NCALD: variants seen among roughly 807,000 people sequenced by gnomAD.
NCALD encodes the protein neurocalcin delta.
NCALD carries 10 observed loss-of-function variants against 18.6 expected under a neutral mutation model. That is an observed-to-expected ratio of 0.54 (90% CI 0.33 to 0.91). The LOEUF (loss-of-function observed/expected upper bound fraction) is 0.91. Ranked by LOEUF, NCALD falls within the 40% of genes least tolerant of loss-of-function variation. NCALD has a pLI of 0.03. For synonymous variants in NCALD, 88 were observed against 87.4 expected (o/e 1.01, Z -0.04); for missense variants, 184 against 247.6 (o/e 0.74, Z 1.72).
chr8:101,832,356 C>T (rs1426263739), intron 4 of NCALD, among the ~76,000 whole-genome samples: 1 of 152,182 alleles, frequency 6.6e-6, no homozygotes. Flanking sequence ...GACCCACACA[C>T]TGGACGGAGC....
intron 3 of NCALD, among the ~76,000 whole-genome samples, chr8:101,888,636 C>T (rs554112354): frequency 6.6e-6 from 1 of 151,974 alleles, no homozygotes. Context: ...AGGCTGGTCT[C>T]AAACTCCAGG....
intron 4 of NCALD, among the ~76,000 whole-genome samples, chr8:101,825,446 A>G (rs1363664865): frequency 6.6e-6 from 1 of 152,242 alleles, no homozygotes; most frequent in East Asian, 1.9e-4. Flanking sequence ...CAATCCAGTT[A>G]GATCTGGCCT....
chr8:101,819,358 T>G (rs74537990), intron 4 of NCALD, among the ~76,000 whole-genome samples: 2,318 of 151,994 alleles, frequency 0.015, 90 homozygotes, highest in East Asian at 0.12. Flanking sequence ...TGGGTTTTTA[T>G]TTCTTGAGTT....
intron 1 of NCALD, among the ~76,000 whole-genome samples, chr8:101,749,848 C>G (rs1810578549): frequency 6.6e-6 from 1 of 152,204 alleles, no homozygotes; most frequent in South Asian, 2.1e-4. Flanking sequence ...AGAAATCCGG[C>G]ACCCTCTTCC....
chr8:101,872,753 C>T lies in NCALD; in HGVS notation c.-20+14388G>A, dbSNP rs766107569. On this transcript the variant is annotated intron_variant, in intron 4 of 6. Coordinates refer to the NCALD transcript ENST00000311028. The stretch of plus-strand genomic sequence containing the variant: ...AGTCTACACTCATTTCTAACTCTTT[C>T]TCTCTGGTAGCCTTAGATCCACCTT... 1.3e-4 allele frequency among the ~76,000 whole-genome samples: 20 copies of T among 152,264 alleles called. 1 individual carries two copies. The highest frequency in any genetic ancestry group is 6.5e-4 in the Admixed American group (10 of 15,300).
At chr8:101,830,310 C>T (rs1814124308) in intron 4 of NCALD, among the ~76,000 whole-genome samples, 1 of 152,148 alleles carries the variant, frequency 6.6e-6, no homozygotes, top group African/African-American at 2.4e-5. Context: ...CCTGTAATCC[C>T]AGTACTTTGG....
At chr8:102,037,896 AC>A (rs1405887378) in intron 1 of NCALD, among the ~76,000 whole-genome samples, 8 of 152,190 alleles carry the variant, frequency 5.3e-5, no homozygotes, top group African/African-American at 1.9e-4. Flanking sequence ...AACTGATAGC[AC>A]TTTATAAATA....
chr8:102,085,808 T>A lies in NCALD; in HGVS notation c.-210+38429A>T, dbSNP rs182414193. ...CAATATTTGAGCCTGTCTGGAATTT[T>A]GTGGCAAAAATTAGCTTGCTTATAA... On this transcript the variant is annotated intron_variant, in intron 1 of 6. Coordinates refer to the NCALD transcript ENST00000311028. Among the ~76,000 whole-genome samples, 4 of 152,064 alleles carry A rather than the reference T, an allele frequency of 2.6e-5. No individual in the cohort carries two copies. The East Asian group carries it at 7.7e-4, about 29-fold the overall frequency.
At chr8:102,098,396 C>T (rs143421714) in intron 1 of NCALD, among the ~76,000 whole-genome samples, 5 of 152,316 alleles carry the variant, frequency 3.3e-5, no homozygotes, top group Admixed American at 1.3e-4. Flanking sequence ...CCAGTCTTCC[C>T]TCTCCAGCTA....
chr8:101,805,585 G>A (rs2131109632), intron 4 of NCALD, among the ~76,000 whole-genome samples: 1 of 152,310 alleles, frequency 6.6e-6, no homozygotes. Context: ...GCCTAAAGCA[G>A]TTATTCAGAA....
intron 1 of NCALD, among the ~76,000 whole-genome samples, chr8:102,067,578 C>T (rs1824051149): frequency 6.6e-6 from 1 of 152,136 alleles, no homozygotes; most frequent in African/African-American, 2.4e-5. Context: ...TCATAACTGC[C>T]TCTTGCTACC....
At chr8:101,864,406 C>T (rs533040628) in intron 4 of NCALD, among the ~76,000 whole-genome samples, 12 of 152,218 alleles carry the variant, frequency 7.9e-5, no homozygotes, top group East Asian at 7.7e-4. Context: ...GGATTAATTA[C>T]GGATGGCTCC....
In NCALD at chr8:101,705,055, C is replaced by T. The variant is rs1020651360; in HGVS notation, c.379-12159G>A. On this transcript the variant is annotated intron_variant, in intron 2 of 3. Coordinates refer to ENST00000220931, the MANE Select transcript of NCALD (RefSeq NM_032041.3). ...CAGCCTGGCCAACATGATGAAACCC[C>T]GTCTCAACTAAAAATACAAAAATTA... Among the ~76,000 whole-genome samples the T allele has an allele frequency of 5.9e-5, 9 of 151,348 alleles. No homozygotes were observed. The South Asian group carries it at 6.3e-4, about 11-fold the overall frequency.
At chr8:101,907,987 G>A (rs988091455) in intron 3 of NCALD, among the ~76,000 whole-genome samples, 1 of 152,120 alleles carries the variant, frequency 6.6e-6, no homozygotes, top group Non-Finnish European at 1.5e-5. Context: ...AAATAGAGCA[G>A]CTCAAAAAAC....
At chr8:101,946,077 T>C (rs1457730944) in intron 2 of NCALD, among the ~76,000 whole-genome samples, 1 of 152,186 alleles carries the variant, frequency 6.6e-6, no homozygotes, top group Admixed American at 6.5e-5. Context: ...TGCCTTTTAC[T>C]TTCTTTTGGT....
intron 1 of NCALD, among the ~76,000 whole-genome samples, chr8:101,722,781 A>G (rs1816418285): frequency 6.6e-6 from 1 of 152,246 alleles, no homozygotes; most frequent in African/African-American, 2.4e-5. Flanking sequence ...AACAGTAATT[A>G]AACCACATTT....
At position 101,776,448 on chromosome 8, in the gene NCALD, C is replaced by G. The variant is rs139593648; in HGVS notation, c.-20+14414G>C. On this transcript the variant is annotated intron_variant, in intron 1 of 3. Transcript: ENST00000220931. ...GAATTAACAGCCTGCTTCCTTTTGACAACCAGTAATTTTTTTTTTAATATT... is the reference window on the plus strand; with the variant it reads ...GAATTAACAGCCTGCTTCCTTTTGAGAACCAGTAATTTTTTTTTTAATATT... Among the ~76,000 whole-genome samples, 718 of 152,208 alleles carry G rather than the reference C, an allele frequency of 4.7e-3. 9 individuals are homozygous for G. Among genetic ancestry groups the G allele is most frequent in the African/African-American group, 0.015 (635 of 41,556 alleles).
intron 1 of NCALD, among the ~76,000 whole-genome samples, chr8:101,746,710 T>G (rs1299798029): frequency 6.6e-6 from 1 of 151,430 alleles, no homozygotes; most frequent in African/African-American, 2.4e-5. Context: ...AAACGTAAAT[T>G]TTATATTAAT....
intron 1 of NCALD, chr8:101,745,789 C>A (rs968815475): frequency 6.6e-6 from 1 of 152,216 alleles, no homozygotes; most frequent in Non-Finnish European, 1.5e-5. Flanking sequence ...CACATTATCT[C>A]ATTTAATCTC....
Sources: allele counts gnomAD v4.1 joint callset (sites outside exome capture counted in the v4.1 genomes callset), GRCh38; gene constraint gnomAD v4.1.1; transcripts MANE v1.5; gene names NCBI Gene and HGNC (gene_info 2026-07-23, HGNC 2026-07-21).